The following KSR1 variants were observed in gnomAD, a reference collection of about 807,000 sequenced individuals.
KSR1 encodes the protein kinase suppressor of ras.
In KSR1, 35 loss-of-function variants were observed where a neutral mutation model predicts 92.9. The observed-to-expected ratio is 0.38, with a 90% CI of 0.29 to 0.50. KSR1 has a LOEUF of 0.50. KSR1 is among the 20% of genes least tolerant of loss of function. The probability of loss-of-function intolerance (pLI) is 0.94; values close to 1 mark genes in which losing one functional copy is unlikely to be tolerated. For synonymous variants in KSR1, 467 were observed against 472.6 expected, an observed-to-expected ratio of 0.99 and a Z score of 0.15; for missense variants, 972 against 1,158.5, an observed-to-expected ratio of 0.84 and a Z score of 2.34.
chr17:27,577,932 C>T lies in KSR1; in HGVS notation c.520+293C>T. On this transcript the variant is annotated intron_variant, in intron 3 of 20. Coordinates refer to ENST00000644974, the MANE Select transcript of KSR1 (RefSeq NM_001394583.1). The surrounding 1 kb of genome is among the most constrained non-coding windows in gnomAD (Gnocchi z 4.5). Reference sequence around the variant, plus strand: ...GGCATGGTTTCCTCTCTGTTGAGGGCTCTGTGTACCCTCTGCCAGCTTCCC... The same window carrying T: ...GGCATGGTTTCCTCTCTGTTGAGGGTTCTGTGTACCCTCTGCCAGCTTCCC... The T allele has an allele frequency of 3.8e-6, 2 of 523,182 alleles. No homozygotes were observed. Among genetic ancestry groups the T allele is most frequent in the Non-Finnish European group, 7.0e-6 (2 of 286,548 alleles). 32.4% of individuals were successfully genotyped at this position (523,182 alleles called of 1,614,324 possible).
chr17:27,518,817 A>ATC (rs917145695), intron 1 of KSR1, among the ~76,000 whole-genome samples: 7 of 152,168 alleles, frequency 4.6e-5, no homozygotes, highest in African/African-American at 1.7e-4. Context: ...AATGTTCCAT[A>ATC]TCCCTCCATT....
chr17:27,610,379 C>T (rs981462033), intron 17 of KSR1, among the ~76,000 whole-genome samples, 181 bp downstream of exon 17: 1 of 152,160 alleles, frequency 6.6e-6, no homozygotes. Flanking sequence ...CTGGCTCTGC[C>T]GCTTGTTGAG....
rs750523410 is a variant in KSR1 at position 27,605,560 on chromosome 17, C to T, written c.1741C>T (p.Leu581=). 133 of 1,595,290 alleles carry T rather than the reference C, an allele frequency of 8.3e-5. No individual in the cohort carries two copies. In the East Asian group the frequency reaches 2.9e-3, roughly 35 times the overall value. ...CAAGGCCAGCCAGACCAGCGTGTACCTGCAGGAGTGGGACATCCCCTTCGA... is the reference window on the plus strand; with the variant it reads ...CAAGGCCAGCCAGACCAGCGTGTACTTGCAGGAGTGGGACATCCCCTTCGA... ...SRKASQTSVY[L]QEWDIPFEQV... Residue 581 remains leucine (L), a synonymous_variant, in exon 14 of 21, where the codon CTG becomes TTG. Coordinates refer to ENST00000644974, the MANE Select transcript of KSR1 (RefSeq NM_001394583.1).
chr17:27,618,968 T>C (rs1464809704), intron 19 of KSR1, among the ~76,000 whole-genome samples: 2 of 152,198 alleles, frequency 1.3e-5, no homozygotes, highest in African/African-American at 4.8e-5. Context: ...AGTGCTAGGA[T>C]TACAGGCGTG....
At chr17:27,501,083 A>AT (rs2069159881) in intron 1 of KSR1, among the ~76,000 whole-genome samples, 1 of 152,158 alleles carries the variant, frequency 6.6e-6, no homozygotes, top group Non-Finnish European at 1.5e-5. Flanking sequence ...TGTAACAGTA[A>AT]TTGCTGATGT....
At chr17:27,591,195 G>A (rs1567863217) in intron 7 of KSR1, among the ~76,000 whole-genome samples, 1 of 152,210 alleles carries the variant, frequency 6.6e-6, no homozygotes, top group Non-Finnish European at 1.5e-5. Flanking sequence ...GAGTTCTGAA[G>A]TTTAGCCTTG....
intron 1 of KSR1, among the ~76,000 whole-genome samples, chr17:27,501,352 T>G (rs2069182303): frequency 7.3e-6 from 1 of 137,148 alleles, no homozygotes; most frequent in Non-Finnish European, 1.5e-5. Context: ...CTTGGCTCAC[T>G]GAATCTCTGG....
chr17:27,572,786 G>A lies in KSR1; in HGVS notation c.373-4706G>A, dbSNP rs142567315. On this transcript the variant is annotated intron_variant, in intron 2 of 20. Transcript: ENST00000644974. ...GCTGTGCCTGTCACTGTGGGTGGGCGAGTCACATCCATGTGTGAGGTTTCG... is the reference window on the plus strand; with the variant it reads ...GCTGTGCCTGTCACTGTGGGTGGGCAAGTCACATCCATGTGTGAGGTTTCG... Among the ~76,000 whole-genome samples the A allele has an allele frequency of 2.8e-4, 43 of 152,350 alleles. No individual in the cohort carries two copies. In the East Asian group the frequency reaches 7.7e-3, roughly 27 times the overall value.
At chr17:27,469,786 G>A (rs1335359547) in intron 1 of KSR1, among the ~76,000 whole-genome samples, 2 of 152,148 alleles carry the variant, frequency 1.3e-5, no homozygotes, top group African/African-American at 2.4e-5. Context: ...GTTGCCACAT[G>A]AGAGTGTGTC....
In KSR1 at chr17:27,459,415, A is replaced by ACTT. The variant is rs2019331526; in HGVS notation, c.231+2544_231+2546dup. Among the ~76,000 whole-genome samples the ACTT allele has an allele frequency of 6.6e-6, 1 of 152,236 alleles. No individual in the cohort carries two copies. Among genetic ancestry groups the ACTT allele is most frequent in the Non-Finnish European group, 1.5e-5 (1 of 68,046 alleles). ...GTAAATCTGGATTTTAGGGAAAGGT[A>ACTT]CTTCTGCAGCTGCCTCTCATTTCAT... On this transcript the variant is annotated intron_variant, in intron 1 of 20. Coordinates refer to ENST00000644974, the MANE Select transcript of KSR1 (RefSeq NM_001394583.1). This position sits in a 1 kb window ranked among gnomAD's most constrained non-coding sequence, Gnocchi z 4.6.
intron 5 of KSR1, 198 bp downstream of exon 5, chr17:27,585,859 A>G: frequency 1.6e-6 from 1 of 621,456 alleles, no homozygotes; most frequent in South Asian, 1.9e-5. Flanking sequence ...GCTTCAGCCC[A>G]GCTGGTGGCT....
intron 1 of KSR1, among the ~76,000 whole-genome samples, chr17:27,508,709 T>TTTTTTTTATTTATTTATTTA (rs1555572323): frequency 3.5e-4 from 48 of 138,324 alleles, no homozygotes; most frequent in African/African-American, 1.2e-3. Context: ...CCTGAATTTT[T>TTTTTTTTATTTATTTATTTA]TTTATTTATT....
At chr17:27,508,369 C>T (rs1427567478) in intron 1 of KSR1, among the ~76,000 whole-genome samples, 2 of 152,198 alleles carry the variant, frequency 1.3e-5, no homozygotes, top group East Asian at 3.8e-4. Flanking sequence ...TTTATCATCC[C>T]TCTGAATCCT....
intron 1 of KSR1, among the ~76,000 whole-genome samples, chr17:27,507,422 G>C (rs1416027675): frequency 6.6e-6 from 1 of 151,834 alleles, no homozygotes; most frequent in Non-Finnish European, 1.5e-5. Flanking sequence ...GTCAGAGCAA[G>C]ACTTTGTCTC....
chr17:27,494,576 C>A (rs899384448), intron 1 of KSR1, among the ~76,000 whole-genome samples: 3 of 152,136 alleles, frequency 2.0e-5, no homozygotes, highest in Non-Finnish European at 4.4e-5. Context: ...TAATGTTTCC[C>A]CAGAGACTAA....
chr17:27,526,937 C>G, intron 1 of KSR1: 2 of 607,586 alleles, frequency 3.3e-6, no homozygotes, highest in Non-Finnish European at 6.0e-6. Flanking sequence ...GGCTGACGCT[C>G]CCTTTCACCT....
intron 2 of KSR1, among the ~76,000 whole-genome samples, chr17:27,558,349 G>A (rs1047496122): frequency 2.0e-5 from 3 of 149,276 alleles, no homozygotes; most frequent in African/African-American, 7.4e-5. Context: ...CGTCATCTGT[G>A]TTATCCATAA....
chr17:27,577,459 A>C lies in KSR1; in HGVS notation c.373-33A>C. On this transcript the variant is annotated intron_variant, in intron 2 of 20. Transcript: ENST00000644974. This position sits in a 1 kb window ranked among gnomAD's most constrained non-coding sequence, Gnocchi z 4.5. ...GGGCTCCCGGCCCAGCCGACTGCTC[A>C]CCGCCTCTCTGCCTGTCCCTCTGTC... The C allele has an allele frequency of 7.4e-7, 1 of 1,355,280 alleles. No individual in the cohort carries two copies. The highest frequency in any genetic ancestry group is 1.4e-5 in the African/African-American group (1 of 69,486). 84.0% of individuals were successfully genotyped at this position (1,355,280 alleles called of 1,614,324 possible). A position where few individuals can be genotyped will look rare whatever the true frequency, so the allele number is the denominator to read the frequency against.
intron 1 of KSR1, among the ~76,000 whole-genome samples, chr17:27,498,297 C>T (rs2069059889): frequency 3.4e-5 from 5 of 144,990 alleles, no homozygotes; most frequent in African/African-American, 1.3e-4. Flanking sequence ...GAGATTGCAC[C>T]ACTGCACTCC....
Sources: gnomAD v4.1 joint callset for allele counts (sites outside exome capture counted in the v4.1 genomes callset) on GRCh38, gnomAD v4.1.1 for gene constraint, Gnocchi (gnomAD v3.1) non-coding constraint, MANE v1.5 for transcripts, NCBI Gene and HGNC (gene_info 2026-07-23, HGNC 2026-07-21) for gene names.